Variants in PTPRD observed in about 807,000 individuals in gnomAD.
PTPRD encodes receptor-type tyrosine-protein phosphatase delta.
PTPRD carries 34 observed loss-of-function variants against 214.5 expected under a neutral mutation model. The ratio of observed to expected loss-of-function variants is 0.16; its 90% CI spans 0.12 to 0.21. The LOEUF is 0.21. Among genes scored for constraint, PTPRD ranks in the 10% least tolerant of loss-of-function variants. The pLI is 1.00. For missense variants in PTPRD, 2,545 were observed against 2,398.7 expected (o/e 1.06, Z -1.27); for synonymous variants, 1,128 against 845.7 (o/e 1.33, Z -5.79).
chr9:10,241,377 G>A (rs2091010426), intron 3 of PTPRD, among the ~76,000 whole-genome samples: 1 of 151,892 alleles, frequency 6.6e-6, no homozygotes, highest in South Asian at 2.1e-4. Context: ...GAAAGAATGT[G>A]TCCATTCAAA....
intron 2 of PTPRD, among the ~76,000 whole-genome samples, chr9:10,415,181 T>A (rs1363388916): frequency 6.6e-6 from 1 of 151,832 alleles, no homozygotes; most frequent in Non-Finnish European, 1.5e-5. Flanking sequence ...AAACTAATGA[T>A]TAAAAATAAA....
intron 3 of PTPRD, among the ~76,000 whole-genome samples, chr9:10,261,081 G>A (rs914188385): frequency 6.9e-5 from 10 of 145,628 alleles, no homozygotes; most frequent in South Asian, 2.1e-4. Flanking sequence ...ATATATGTGT[G>A]TATATATATA....
chr9:10,434,689 A>G (rs1466518729), intron 2 of PTPRD, among the ~76,000 whole-genome samples: 1 of 151,970 alleles, frequency 6.6e-6, no homozygotes, highest in Non-Finnish European at 1.5e-5. Context: ...TTTTCTTTCA[A>G]ATATAAACAC....
intron 5 of PTPRD, among the ~76,000 whole-genome samples, chr9:9,812,155 G>T (rs1031682064): frequency 1.3e-5 from 2 of 151,936 alleles, no homozygotes; most frequent in African/African-American, 4.8e-5. Context: ...TTAGACATAT[G>T]CTATTTCACA....
intron 10 of PTPRD, among the ~76,000 whole-genome samples, chr9:9,039,246 T>C (rs780013512): frequency 3.8e-4 from 58 of 152,292 alleles, no homozygotes; most frequent in Middle Eastern, 3.4e-3. Flanking sequence ...TCAGAAGGAC[T>C]GTTAGCTAGC....
chr9:8,798,164 T>C (rs140568015), intron 11 of PTPRD, among the ~76,000 whole-genome samples: 1 of 152,240 alleles, frequency 6.6e-6, no homozygotes, highest in East Asian at 1.9e-4. Context: ...CATCTATGGA[T>C]CAAATTTTCT....
chr9:10,442,853 A>T (rs2098769854), intron 2 of PTPRD, among the ~76,000 whole-genome samples: 1 of 151,504 alleles, frequency 6.6e-6, no homozygotes, highest in Non-Finnish European at 1.5e-5. Context: ...AGACTAAAAT[A>T]TACAGTATGG....
At chr9:8,861,986 CAG>C (rs1467803149) in intron 11 of PTPRD, 4 of 152,134 alleles carry the variant, frequency 2.6e-5, no homozygotes, top group Non-Finnish European at 5.9e-5. Context: ...ATTTTTATTT[CAG>C]AGAGTATTTT....
intron 3 of PTPRD, among the ~76,000 whole-genome samples, chr9:10,232,133 C>T (rs1363633610): frequency 6.6e-6 from 1 of 151,536 alleles, no homozygotes; most frequent in African/African-American, 2.4e-5. Flanking sequence ...GCCCTAGCAC[C>T]AAAGCCCTCA....
At chr9:10,369,284 T>G (rs2097568791) in intron 2 of PTPRD, among the ~76,000 whole-genome samples, 1 of 152,116 alleles carries the variant, frequency 6.6e-6, no homozygotes, top group African/African-American at 2.4e-5. Context: ...ATCCTTTATT[T>G]TCTATTCAAT....
intron 2 of PTPRD, among the ~76,000 whole-genome samples, chr9:10,414,250 A>C (rs948723701): frequency 2.0e-5 from 3 of 151,870 alleles, no homozygotes; most frequent in Non-Finnish European, 2.9e-5. Flanking sequence ...AACTTAAAAT[A>C]AAAATTAAAA....
intron 2 of PTPRD, among the ~76,000 whole-genome samples, chr9:10,418,114 C>T (rs985432936): frequency 1.3e-4 from 20 of 151,520 alleles, no homozygotes; most frequent in African/African-American, 2.9e-4. Flanking sequence ...AAATATATGG[C>T]GCTTGCTATT....
At chr9:10,585,422 G>C (rs1567070446) in intron 2 of PTPRD, among the ~76,000 whole-genome samples, 1 of 151,270 alleles carries the variant, frequency 6.6e-6, no homozygotes. Context: ...TTTACCTTTA[G>C]AAGTCAAAAG....
chr9:9,216,218 T>C (rs981548324), intron 9 of PTPRD, among the ~76,000 whole-genome samples: 4 of 152,110 alleles, frequency 2.6e-5, no homozygotes, highest in African/African-American at 9.7e-5. Flanking sequence ...TTGACATACA[T>C]TTTACTCAGT....
At chr9:10,177,856 T>A (rs1249168950) in intron 3 of PTPRD, among the ~76,000 whole-genome samples, 1 of 151,950 alleles carries the variant, frequency 6.6e-6, no homozygotes, top group Non-Finnish European at 1.5e-5. Context: ...TTCAAAGTGG[T>A]TGTTATCTAC....
chr9:8,571,342 T>C (rs940280610), intron 14 of PTPRD, among the ~76,000 whole-genome samples: 1 of 152,090 alleles, frequency 6.6e-6, no homozygotes. Context: ...TACACGCTAT[T>C]TTCCATAACA....
chr9:9,541,102 T>C (rs74521495), intron 8 of PTPRD, among the ~76,000 whole-genome samples: 1,957 of 151,906 alleles, frequency 0.013, 22 homozygotes, highest in Non-Finnish European at 0.019. Context: ...AAATACACGG[T>C]AGACCTCAAG....
At chr9:10,316,451 T>C (rs1395627383) in intron 3 of PTPRD, among the ~76,000 whole-genome samples, 1 of 151,832 alleles carries the variant, frequency 6.6e-6, no homozygotes, top group East Asian at 1.9e-4. Context: ...GTGGGTTATG[T>C]ATTATGATTC....
At chr9:10,210,281 A>T (rs370883734) in intron 3 of PTPRD, among the ~76,000 whole-genome samples, 32 of 152,308 alleles carry the variant, frequency 2.1e-4, no homozygotes, top group African/African-American at 7.0e-4. Flanking sequence ...TGCTTCTTAA[A>T]GCCATACAGA....
Sources: allele counts gnomAD v4.1 joint callset (sites outside exome capture counted in the v4.1 genomes callset), GRCh38; gene constraint gnomAD v4.1.1; transcripts MANE v1.5; gene names NCBI Gene and HGNC (gene_info 2026-07-23, HGNC 2026-07-21).